The following CDH8 variants were observed in gnomAD, a reference collection of about 807,000 sequenced individuals.
CDH8 encodes cadherin-8.
In CDH8, 17 loss-of-function variants were observed where a neutral mutation model predicts 68.1. The ratio of observed to expected loss-of-function variants is 0.25; its 90% CI spans 0.17 to 0.37. The LOEUF is 0.37. CDH8 is among the 10% of genes least tolerant of loss of function. CDH8 has a pLI of 1.00. For synonymous variants in CDH8, 372 were observed against 365.1 expected (o/e 1.02, Z -0.21); for missense variants, 763 against 999.3 (o/e 0.76, Z 3.19).
chr16:61,894,266 C>G (rs920692365), intron 3 of CDH8, among the ~76,000 whole-genome samples: 13 of 152,126 alleles, frequency 8.5e-5, no homozygotes, highest in African/African-American at 2.7e-4. Context: ...TTAAGAAATT[C>G]TATAAAACAA....
chr16:61,745,609 CT>C, intron 8 of CDH8, among the ~76,000 whole-genome samples: 1 of 85,332 alleles, frequency 1.2e-5, no homozygotes, highest in South Asian at 3.3e-4. Context: ...TTTTTTTTTT[CT>C]ATTCTAAATC....
chr16:61,714,014 C>T (rs897538122), intron 9 of CDH8, 56 bp from the exon 10 acceptor site: 2 of 1,022,748 alleles, frequency 2.0e-6, no homozygotes, highest in South Asian at 1.3e-5. Context: ...CTCCTGCCAT[C>T]GGTAAAAGCT....
At chr16:61,873,924 T>C (rs1452844766) in intron 3 of CDH8, among the ~76,000 whole-genome samples, 1 of 152,058 alleles carries the variant, frequency 6.6e-6, no homozygotes, top group Non-Finnish European at 1.5e-5. Flanking sequence ...GGGGTGGTGG[T>C]GCACACCTGT....
intron 2 of CDH8, among the ~76,000 whole-genome samples, chr16:61,946,875 T>A (rs1180190280): frequency 6.6e-6 from 1 of 152,228 alleles, no homozygotes; most frequent in Admixed American, 6.5e-5. Context: ...AATACTTCTC[T>A]TCTTCTCTTG....
At chr16:61,975,390 T>C (rs1259508166) in intron 2 of CDH8, among the ~76,000 whole-genome samples, 1 of 152,174 alleles carries the variant, frequency 6.6e-6, no homozygotes, top group Non-Finnish European at 1.5e-5. Context: ...CTCCACCTAC[T>C]ACCCAGATTT....
intron 1 of CDH8, among the ~76,000 whole-genome samples, chr16:62,025,067 T>A (rs1437281359): frequency 1.3e-5 from 2 of 152,152 alleles, no homozygotes; most frequent in Non-Finnish European, 2.9e-5. Flanking sequence ...GGTAAGCCAC[T>A]CATATTGGCA....
rs535490036 is a variant in CDH8, at chr16:61,818,204, C to T, written c.1024-472G>A. ...GAACTAGAAATAATCATTGTTTAGTCCAAGGAGACATTATAAAGCATAATT... is the reference window on the plus strand; with the variant it reads ...GAACTAGAAATAATCATTGTTTAGTTCAAGGAGACATTATAAAGCATAATT... On this transcript the variant is annotated intron_variant, in intron 6 of 11. Transcript: ENST00000577390. Among the ~76,000 whole-genome samples the T allele has an allele frequency of 1.2e-3, 180 of 152,066 alleles. 2 individuals carry two copies. The highest frequency in any genetic ancestry group is 1.8e-3 in the Non-Finnish European group (120 of 67,954).
rs1463855091 is a variant in CDH8 at position 61,647,736 on chromosome 16, G to C, written c.*5872C>G. The C allele has an allele frequency of 1.4e-6, 1 of 693,580 alleles. No homozygotes were observed. Among genetic ancestry groups the C allele is most frequent in the South Asian group, 1.5e-5 (1 of 66,586 alleles). 43.0% of individuals were successfully genotyped at this position (693,580 alleles called of 1,614,324 possible). A position where few individuals can be genotyped will look rare whatever the true frequency, so the allele number is the denominator to read the frequency against. ...TGGCCTGAAGTTCTTTGCATGTACAGAAGAAATCCCAAGAAATTAACATTT... is the reference window on the plus strand; with the variant it reads ...TGGCCTGAAGTTCTTTGCATGTACACAAGAAATCCCAAGAAATTAACATTT... On this transcript the variant is annotated 3_prime_UTR_variant, in exon 12 of 12. Coordinates refer to ENST00000577390, the MANE Select transcript of CDH8 (RefSeq NM_001796.5).
intron 2 of CDH8, among the ~76,000 whole-genome samples, chr16:61,960,221 G>A (rs199681616): frequency 1.3e-5 from 1 of 75,524 alleles, no homozygotes; most frequent in South Asian, 3.7e-4. Flanking sequence ...ATGTGTGTGT[G>A]TATACACACA....
intron 10 of CDH8, among the ~76,000 whole-genome samples, chr16:61,656,452 TA>T (rs1378958150): frequency 6.6e-6 from 1 of 152,142 alleles, no homozygotes; most frequent in Non-Finnish European, 1.5e-5. Flanking sequence ...AGCTCTGTAT[TA>T]AAAGATAGAC....
rs3743513 is a variant in CDH8, at chr16:61,825,251, A to G, written c.668-72T>C. The G allele has an allele frequency of 0.014, 16,738 of 1,166,860 alleles. 1,043 individuals are homozygous for G. The African/African-American group carries it at 0.17, about 12-fold the overall frequency. 72.3% of individuals were successfully genotyped at this position (1,166,860 alleles called of 1,614,324 possible). On this transcript the variant is annotated intron_variant, in intron 4 of 11. Transcript: ENST00000577390. The stretch of plus-strand genomic sequence containing the variant: ...AAAAATGAAAGTGTTAATCTCACAC[A>G]TGCACACATACACACAAGCATACAC...
intron 10 of CDH8, among the ~76,000 whole-genome samples, chr16:61,668,028 T>C (rs1963714516): frequency 6.6e-6 from 1 of 151,950 alleles, no homozygotes; most frequent in African/African-American, 2.4e-5. Context: ...GGGAAGTTTT[T>C]CCATGTTATG....
At chr16:61,992,077 T>TGTGTGTGTGTGAGAGA (rs34925928) in intron 2 of CDH8, among the ~76,000 whole-genome samples, 78 of 144,244 alleles carry the variant, frequency 5.4e-4, no homozygotes, top group African/African-American at 1.9e-3. Flanking sequence ...TGTGTGTGTG[T>TGTGTGTGTGTGAGAGA]GAGAGAGAGA....
intron 3 of CDH8, among the ~76,000 whole-genome samples, chr16:61,866,262 G>A (rs1358079059): frequency 2.0e-5 from 3 of 151,860 alleles, no homozygotes; most frequent in Admixed American, 1.3e-4. Flanking sequence ...TTCTATTTGA[G>A]TAAATGAACT....
chr16:61,933,462 A>G (rs1296735638), intron 2 of CDH8, among the ~76,000 whole-genome samples: 2 of 152,216 alleles, frequency 1.3e-5, no homozygotes, highest in Admixed American at 6.5e-5. Flanking sequence ...ATTTTTGAAA[A>G]TCATTCACAT....
At chr16:61,820,857 G>T in intron 6 of CDH8, 69 bp downstream of exon 6, 1 of 1,354,196 alleles carries the variant, frequency 7.4e-7, no homozygotes, top group Non-Finnish European at 1.0e-6. Context: ...CTCCACACAA[G>T]TCCCTCAACT....
chr16:61,981,323 G>C (rs1965524760), intron 2 of CDH8, among the ~76,000 whole-genome samples: 1 of 152,094 alleles, frequency 6.6e-6, no homozygotes, highest in African/African-American at 2.4e-5. Flanking sequence ...AAGTAGGCTT[G>C]TCTAATCATT....
intron 8 of CDH8, among the ~76,000 whole-genome samples, chr16:61,773,160 C>T (rs1323848540): frequency 1.1e-4 from 17 of 151,970 alleles, no homozygotes; most frequent in Admixed American, 1.1e-3. Context: ...TTGATAAAGC[C>T]ATTTTCTAAT....
At chr16:61,963,902 A>C (rs764052209) in intron 2 of CDH8, among the ~76,000 whole-genome samples, 4 of 152,192 alleles carry the variant, frequency 2.6e-5, no homozygotes, top group African/African-American at 9.7e-5. Flanking sequence ...ACAGAAAAAG[A>C]AGCAGCCAAT....
Sources: allele counts gnomAD v4.1 joint callset (sites outside exome capture counted in the v4.1 genomes callset), GRCh38; gene constraint gnomAD v4.1.1; transcripts MANE v1.5; gene names NCBI Gene and HGNC (gene_info 2026-07-23, HGNC 2026-07-21).